Variants in UNC5C observed in about 807,000 individuals in gnomAD.
The protein encoded by UNC5C is netrin receptor UNC5C.
UNC5C carries 47 observed loss-of-function variants against 99.8 expected under a neutral mutation model. The ratio of observed to expected loss-of-function variants is 0.47; its 90% CI spans 0.37 to 0.60. The LOEUF (loss-of-function observed/expected upper bound fraction) is 0.60, where lower values mean the gene tolerates loss of function less well. Ranked by LOEUF, UNC5C falls within the 20% of genes least tolerant of loss-of-function variation. The pLI, the probability that UNC5C is intolerant of heterozygous loss-of-function variation, is 0.00. For synonymous variants in UNC5C, 487 were observed against 452.2 expected, an observed-to-expected ratio of 1.08 and a Z score of -0.98; for missense variants, 1,062 against 1,165.9, an observed-to-expected ratio of 0.91 and a Z score of 1.30.
chr4:95,509,536 T>C (rs1319023987), intron 1 of UNC5C, among the ~76,000 whole-genome samples: 1 of 151,878 alleles, frequency 6.6e-6, no homozygotes, highest in Non-Finnish European at 1.5e-5. Flanking sequence ...ATCCATTCTT[T>C]TACATAACTG....
chr4:95,531,117 A>G (rs1258847765), intron 1 of UNC5C, among the ~76,000 whole-genome samples: 10 of 152,210 alleles, frequency 6.6e-5, no homozygotes, highest in African/African-American at 2.2e-4. Flanking sequence ...AGAAAGACTA[A>G]GTTAACTTGC....
intron 1 of UNC5C, 150 bp from the exon 2 acceptor site, chr4:95,335,781 A>G (rs1743315059): frequency 1.6e-6 from 1 of 631,676 alleles, no homozygotes; most frequent in Admixed American, 3.0e-5. Flanking sequence ...AGATCTATTG[A>G]CTGGTCATTT....
intron 1 of UNC5C, among the ~76,000 whole-genome samples, chr4:95,509,197 T>A (rs1304715211): frequency 6.6e-6 from 1 of 151,786 alleles, no homozygotes; most frequent in Admixed American, 6.6e-5. Flanking sequence ...CAGAGAAAAT[T>A]TTTTTGTAGT....
intron 1 of UNC5C, among the ~76,000 whole-genome samples, chr4:95,504,744 C>T (rs1322593250): frequency 6.6e-6 from 1 of 152,002 alleles, no homozygotes; most frequent in African/African-American, 2.4e-5. Context: ...AAATTAACAG[C>T]TCTTTAAAAA....
intron 5 of UNC5C, among the ~76,000 whole-genome samples, chr4:95,249,865 G>A (rs1739629198): frequency 6.6e-6 from 1 of 152,206 alleles, no homozygotes; most frequent in South Asian, 2.1e-4. Flanking sequence ...GATGGAGTGA[G>A]TAGAATGAGT....
At chr4:95,445,959 C>T (rs1438865616) in intron 1 of UNC5C, among the ~76,000 whole-genome samples, 5 of 90,434 alleles carry the variant, frequency 5.5e-5, no homozygotes, top group Non-Finnish European at 1.1e-4. Context: ...TAACAAAGAG[C>T]CTGCAAAAAA....
chr4:95,440,700 C>T (rs1338634687), intron 1 of UNC5C, among the ~76,000 whole-genome samples: 1 of 151,908 alleles, frequency 6.6e-6, no homozygotes, highest in East Asian at 1.9e-4. Flanking sequence ...AGCAGTAAGT[C>T]CCAAAAGGAG....
intron 14 of UNC5C, among the ~76,000 whole-genome samples, chr4:95,181,028 TC>T (rs1736591490): frequency 6.6e-6 from 1 of 152,062 alleles, no homozygotes. Flanking sequence ...CCATCCACAC[TC>T]CCTCCTCTGC....
intron 1 of UNC5C, among the ~76,000 whole-genome samples, chr4:95,354,607 G>A (rs1744112597): frequency 6.6e-6 from 1 of 151,116 alleles, no homozygotes; most frequent in African/African-American, 2.4e-5. Flanking sequence ...AGCCTTATTT[G>A]AGTACTTGGA....
intron 1 of UNC5C, among the ~76,000 whole-genome samples, chr4:95,537,735 A>G (rs1453271478): frequency 6.6e-6 from 1 of 152,170 alleles, no homozygotes; most frequent in African/African-American, 2.4e-5. Flanking sequence ...ACTACTTTCA[A>G]AAGGATTATT....
At chr4:95,402,805 A>C (rs1407836111) in intron 1 of UNC5C, among the ~76,000 whole-genome samples, 1 of 152,174 alleles carries the variant, frequency 6.6e-6, no homozygotes, top group East Asian at 1.9e-4. Context: ...TTTAAATCCT[A>C]GTTCCTTGGC....
chr4:95,319,685 A>G (rs1485893031), intron 2 of UNC5C, among the ~76,000 whole-genome samples: 1 of 152,226 alleles, frequency 6.6e-6, no homozygotes, highest in African/African-American at 2.4e-5. Flanking sequence ...GGGGGAAGAC[A>G]ACATGATCCA....
chr4:95,354,468 C>CATATATATATATATATATATAT (rs1553965986), intron 1 of UNC5C, among the ~76,000 whole-genome samples: 19 of 98,216 alleles, frequency 1.9e-4, no homozygotes, highest in Non-Finnish European at 3.2e-4. Context: ...CTAACTCTTC[C>CATATATATATATATATATATAT]ATATATATAT....
chr4:95,445,587 C>T (rs1578167783), intron 1 of UNC5C, among the ~76,000 whole-genome samples: 1 of 151,948 alleles, frequency 6.6e-6, no homozygotes. Context: ...AGCAACAAAT[C>T]GGTAAATATT....
chr4:95,474,233 C>T (rs1229326426), intron 1 of UNC5C, among the ~76,000 whole-genome samples: 3 of 152,088 alleles, frequency 2.0e-5, no homozygotes, highest in African/African-American at 7.2e-5. Context: ...TGGAATCAAA[C>T]CAGGCTTGAG....
At chr4:95,480,903 C>A (rs1238628286) in intron 1 of UNC5C, among the ~76,000 whole-genome samples, 1 of 151,320 alleles carries the variant, frequency 6.6e-6, no homozygotes, top group East Asian at 2.0e-4. Context: ...GCCAATATCA[C>A]ACTGAATGGG....
chr4:95,465,759 A>C (rs2149472604), intron 1 of UNC5C, among the ~76,000 whole-genome samples: 1 of 152,278 alleles, frequency 6.6e-6, no homozygotes, highest in Non-Finnish European at 1.5e-5. Flanking sequence ...CAGGTTAAAA[A>C]AAAGTTTGGA....
At chr4:95,179,738 C>T (rs1736527860) in intron 14 of UNC5C, among the ~76,000 whole-genome samples, 1 of 127,700 alleles carries the variant, frequency 7.8e-6, no homozygotes, top group African/African-American at 2.7e-5. Context: ...CAGAGCAAGA[C>T]TCCTTCTCAA....
At chr4:95,171,870 TC>T (rs1736129189) in intron 14 of UNC5C, among the ~76,000 whole-genome samples, 1 of 152,034 alleles carries the variant, frequency 6.6e-6, no homozygotes, top group Admixed American at 6.6e-5. Context: ...GTAAAAGTGT[TC>T]CTGTTTCTCC....
Sources: allele counts gnomAD v4.1 joint callset (sites outside exome capture counted in the v4.1 genomes callset), GRCh38; gene constraint gnomAD v4.1.1; transcripts MANE v1.5; gene names NCBI Gene and HGNC (gene_info 2026-07-23, HGNC 2026-07-21).